PDE11A: variants seen among roughly 807,000 people sequenced by gnomAD.
PDE11A encodes the protein dual 3',5'-cyclic-AMP and -GMP phosphodiesterase 11A.
In PDE11A, 100 loss-of-function variants were observed where a neutral mutation model predicts 100.5. The ratio of observed to expected loss-of-function variants is 1.00; its 90% CI spans 0.85 to 1.18. The LOEUF (loss-of-function observed/expected upper bound fraction) is 1.18. Among genes scored for constraint, PDE11A ranks in the 50% most tolerant of loss-of-function variants. PDE11A has a pLI of 0.00. For synonymous variants in PDE11A, 381 were observed against 420.8 expected, an observed-to-expected ratio of 0.91 and a Z score of 1.16; for missense variants, 1,141 against 1,152.6, an observed-to-expected ratio of 0.99 and a Z score of 0.15.
chr2:177,703,297 GAT>G (rs2081228335), intron 13 of PDE11A, among the ~76,000 whole-genome samples: 1 of 152,142 alleles, frequency 6.6e-6, no homozygotes, highest in Admixed American at 6.5e-5. Context: ...CAATGACCAT[GAT>G]ATAAGTATTA....
rs376654187 is a variant in PDE11A at position 177,990,553 on chromosome 2, C to T, written c.1071+23749G>A. Among the ~76,000 whole-genome samples, 117 of 151,892 alleles carry T rather than the reference C, an allele frequency of 7.7e-4. 2 individuals carry two copies. Among genetic ancestry groups the T allele is most frequent in the African/African-American group, 2.6e-3 (108 of 41,410 alleles). ...AGGAATTCAAGACCAGCCTGAACAA[C>T]ATGGTGAAACCCCATCTCTACTAAA... On this transcript the variant is annotated intron_variant, in intron 2 of 19. Coordinates refer to ENST00000286063, the MANE Select transcript of PDE11A (RefSeq NM_016953.4).
chr2:177,865,395 C>T (rs1484757987), intron 5 of PDE11A, among the ~76,000 whole-genome samples: 1 of 152,190 alleles, frequency 6.6e-6, no homozygotes, highest in Non-Finnish European at 1.5e-5. Flanking sequence ...ATGGAACCCT[C>T]ATTCTTTGCT....
chr2:177,847,727 G>T (rs377764838), intron 5 of PDE11A, among the ~76,000 whole-genome samples: 7 of 152,206 alleles, frequency 4.6e-5, no homozygotes, highest in African/African-American at 1.7e-4. Context: ...AAGAAGGGAA[G>T]AATACTGTCT....
intron 10 of PDE11A, among the ~76,000 whole-genome samples, chr2:177,730,210 A>G (rs1574086289): frequency 6.6e-6 from 1 of 152,110 alleles, no homozygotes; most frequent in East Asian, 1.9e-4. Flanking sequence ...ATATCTCCTA[A>G]TGCTATCCTT....
intron 9 of PDE11A, among the ~76,000 whole-genome samples, chr2:177,769,733 A>G (rs1288791589): frequency 2.0e-5 from 3 of 152,062 alleles, no homozygotes; most frequent in African/African-American, 7.2e-5. Flanking sequence ...CAAAAAATTC[A>G]AAAACTAGCT....
chr2:177,998,342 T>G lies in PDE11A; in HGVS notation c.1071+15960A>C, dbSNP rs570860266. 29 of 807,530 alleles carry G rather than the reference T, an allele frequency of 3.6e-5. 1 individual carries two copies. The highest frequency in any genetic ancestry group is 3.5e-4 in the African/African-American group (21 of 59,800). The allele number at this position is 807,530 out of a possible 1,614,324, so 50.0% of individuals were successfully genotyped here. A position where few individuals can be genotyped will look rare whatever the true frequency, so the allele number is the denominator to read the frequency against. On this transcript the variant is annotated intron_variant, in intron 2 of 19. Transcript: ENST00000286063. ...TTGCTCATTCTCTAACAATGTCCTC[T>G]CCTTGAAGTATTTGGCTGAACAATG...
chr2:178,030,178 G>C (rs1477096946), intron 1 of PDE11A, among the ~76,000 whole-genome samples: 1 of 152,062 alleles, frequency 6.6e-6, no homozygotes, highest in African/African-American at 2.4e-5. Flanking sequence ...AAAGAGAGAG[G>C]CCTTATATTT....
chr2:177,748,745 G>A (rs2081987458), intron 10 of PDE11A, among the ~76,000 whole-genome samples: 1 of 152,026 alleles, frequency 6.6e-6, no homozygotes, highest in South Asian at 2.1e-4. Flanking sequence ...TTCAAAAGCT[G>A]CAAATCTATA....
rs749958730 is a variant in PDE11A, at chr2:177,697,449, A to C, written c.2245-17T>G. On this transcript the variant is annotated splice_polypyrimidine_tract_variant and intron_variant, in intron 14 of 19. Coordinates refer to ENST00000286063, the MANE Select transcript of PDE11A (RefSeq NM_016953.4). ...ATTGTGACCCTGTAATGAGAAAGTAAAAAGTCACAAAAGACATTAAATCTG... is the reference window on the plus strand; with the variant it reads ...ATTGTGACCCTGTAATGAGAAAGTACAAAGTCACAAAAGACATTAAATCTG... 9 of 1,135,744 alleles carry C rather than the reference A, an allele frequency of 7.9e-6. No homozygotes were observed. The highest frequency in any genetic ancestry group is 1.7e-5 in the Admixed American group (1 of 59,396). 70.4% of individuals were successfully genotyped at this position (1,135,744 alleles called of 1,614,324 possible).
chr2:178,061,348 A>C (rs1220858143), intron 1 of PDE11A, among the ~76,000 whole-genome samples: 2 of 152,062 alleles, frequency 1.3e-5, no homozygotes, highest in Non-Finnish European at 2.9e-5. Context: ...GATGCTACTA[A>C]ACAACCATCC....
rs1559120768 is a variant in PDE11A at position 177,637,999 on chromosome 2, T to TATATATATATA, written c.2647-8438_2647-8437insTATATATATAT. Among the ~76,000 whole-genome samples, 56 of 35,350 alleles carry TATATATATATA rather than the reference T, an allele frequency of 1.6e-3. 1 individual carries two copies. Among genetic ancestry groups the TATATATATATA allele is most frequent in the Middle Eastern group, 0.016 (1 of 64 alleles). 23.2% of individuals were successfully genotyped at this position (35,350 alleles called of 152,430 possible). On this transcript the variant is annotated intron_variant, in intron 19 of 19. Coordinates refer to ENST00000286063, the MANE Select transcript of PDE11A (RefSeq NM_016953.4). ...CACGTGTATATATATATATATATATTTTTTTTTTTTTTTTTTTTGAGATGG... is the reference window on the plus strand; with the variant it reads ...CACGTGTATATATATATATATATATTATATATATATATTTTTTTTTTTTTTTTTTGAGATGG...
chr2:177,814,110 T>A (rs2082996310), intron 9 of PDE11A, among the ~76,000 whole-genome samples: 1 of 152,238 alleles, frequency 6.6e-6, no homozygotes, highest in East Asian at 1.9e-4. Context: ...GCTCTGTTAT[T>A]ACTATTTTAC....
chr2:178,052,206 A>C (rs2086837657), intron 1 of PDE11A, among the ~76,000 whole-genome samples: 1 of 152,216 alleles, frequency 6.6e-6, no homozygotes, highest in Non-Finnish European at 1.5e-5. Flanking sequence ...AGGATTAAGA[A>C]ACTCACTCAA....
intron 10 of PDE11A, among the ~76,000 whole-genome samples, chr2:177,756,982 C>T (rs16865756): frequency 0.031 from 4,653 of 152,264 alleles, 421 homozygotes; most frequent in Admixed American, 0.18. Context: ...CAAGCCAAGA[C>T]GAGAAGAATC....
chr2:177,889,367 T>C (rs2084492469), intron 4 of PDE11A, among the ~76,000 whole-genome samples: 1 of 152,226 alleles, frequency 6.6e-6, no homozygotes, highest in Non-Finnish European at 1.5e-5. Context: ...TAACACCAAA[T>C]GTGTTTCAGT....
chr2:177,728,313 G>C (rs577665318), intron 10 of PDE11A, 141 bp from the exon 11 acceptor site: 8 of 551,708 alleles, frequency 1.5e-5, no homozygotes, highest in South Asian at 7.7e-5. Flanking sequence ...TAAACTCTGA[G>C]CTGTAAATGT....
At chr2:177,960,367 T>C (rs1048290823) in intron 2 of PDE11A, among the ~76,000 whole-genome samples, 4 of 152,224 alleles carry the variant, frequency 2.6e-5, no homozygotes, top group East Asian at 1.9e-4. Flanking sequence ...TTGAAACTCA[T>C]TGGGAATGAA....
intron 2 of PDE11A, chr2:177,998,248 T>C: frequency 1.2e-6 from 1 of 832,498 alleles, no homozygotes; most frequent in Non-Finnish European, 2.1e-6. Context: ...TCAGTTAGTA[T>C]AAGCTCTTCC....
At chr2:177,966,247 A>C (rs2085696019) in intron 2 of PDE11A, among the ~76,000 whole-genome samples, 1 of 152,072 alleles carries the variant, frequency 6.6e-6, no homozygotes, top group Admixed American at 6.6e-5. Context: ...CAGATCTAGG[A>C]GCTTTGGGGC....
Sources: allele counts gnomAD v4.1 joint callset (sites outside exome capture counted in the v4.1 genomes callset), GRCh38; gene constraint gnomAD v4.1.1; transcripts MANE v1.5; gene names NCBI Gene and HGNC (gene_info 2026-07-23, HGNC 2026-07-21).